Variants in MARCHF1 observed in about 807,000 individuals in gnomAD.
MARCHF1 encodes membrane associated ring-CH-type finger 1.
Under a neutral mutation model 54.2 loss-of-function variants are expected in MARCHF1, and 40 were observed. The observed-to-expected ratio is 0.74, with a 90% CI of 0.57 to 0.96. MARCHF1 has a LOEUF of 0.96. Among genes scored for constraint, MARCHF1 ranks in the 40% least tolerant of loss-of-function variants. MARCHF1 has a pLI of 0.00. For synonymous variants in MARCHF1, 236 were observed against 236.3 expected, an observed-to-expected ratio of 1.00 and a Z score of 0.01; for missense variants, 586 against 656.5, an observed-to-expected ratio of 0.89 and a Z score of 1.17.
At chr4:163,758,521 A>C (rs1746742341) in intron 4 of MARCHF1, among the ~76,000 whole-genome samples, 1 of 152,212 alleles carries the variant, frequency 6.6e-6, no homozygotes, top group African/African-American at 2.4e-5. Context: ...CTGATAAATA[A>C]ACTGAGATCC....
At chr4:164,197,537 C>A in intron 1 of MARCHF1, 19 of 1,613,430 alleles carry the variant, frequency 1.2e-5, no homozygotes, top group Non-Finnish European at 1.5e-5. Context: ...TTTGGTAAGT[C>A]TGAGATTGAG....
At chr4:164,273,779 A>C (rs1432195214) in intron 1 of MARCHF1, among the ~76,000 whole-genome samples, 1 of 152,190 alleles carries the variant, frequency 6.6e-6, no homozygotes, top group Non-Finnish European at 1.5e-5. Context: ...AATTTAATGA[A>C]ACTCCATTGG....
chr4:164,301,758 T>C (rs1467412264), intron 1 of MARCHF1, among the ~76,000 whole-genome samples: 3 of 151,938 alleles, frequency 2.0e-5, no homozygotes, highest in Admixed American at 2.0e-4. Flanking sequence ...ATACAGCAAA[T>C]GGAATAAGAG....
chr4:164,125,479 C>G (rs13135028), intron 1 of MARCHF1, among the ~76,000 whole-genome samples: 33,481 of 152,026 alleles, frequency 0.22, 4,009 homozygotes, highest in Non-Finnish European at 0.26. Flanking sequence ...AATAGGAAAT[C>G]CAAAATGTAC....
intron 3 of MARCHF1, among the ~76,000 whole-genome samples, chr4:163,866,204 C>A (rs1209955301): frequency 1.3e-5 from 2 of 151,152 alleles, no homozygotes; most frequent in African/African-American, 4.8e-5. Context: ...CATTGGTATT[C>A]AACTTTTTTA....
At chr4:164,066,584 A>G (rs904265986) in intron 2 of MARCHF1, among the ~76,000 whole-genome samples, 12 of 152,222 alleles carry the variant, frequency 7.9e-5, no homozygotes, top group Non-Finnish European at 1.5e-4. Flanking sequence ...TCATTGAAGC[A>G]CTATTCACAA....
At chr4:163,691,818 G>A (rs1257405422) in intron 5 of MARCHF1, among the ~76,000 whole-genome samples, 1 of 152,110 alleles carries the variant, frequency 6.6e-6, no homozygotes, top group African/African-American at 2.4e-5. Context: ...GTTTACTACA[G>A]GCCAGTGCCC....
intron 1 of MARCHF1, among the ~76,000 whole-genome samples, chr4:164,143,732 A>T (rs1308155217): frequency 2.0e-5 from 3 of 152,214 alleles, no homozygotes; most frequent in African/African-American, 7.2e-5. Flanking sequence ...CAAAATGTAA[A>T]GACCATAGAG....
intron 5 of MARCHF1, among the ~76,000 whole-genome samples, chr4:163,663,771 T>A (rs1743432535): frequency 1.3e-5 from 2 of 152,106 alleles, no homozygotes; most frequent in African/African-American, 4.8e-5. Flanking sequence ...AAGCTCATGC[T>A]AATATCTATG....
intron 1 of MARCHF1, among the ~76,000 whole-genome samples, chr4:164,282,332 C>T (rs1012600154): frequency 6.6e-6 from 1 of 150,888 alleles, no homozygotes; most frequent in Non-Finnish European, 1.5e-5. Flanking sequence ...TGACTTTGCT[C>T]AAAACTTTCA....
intron 9 of MARCHF1, among the ~76,000 whole-genome samples, chr4:163,537,925 G>C (rs1349593191): frequency 2.0e-5 from 3 of 152,112 alleles, no homozygotes; most frequent in Admixed American, 1.3e-4. Flanking sequence ...GTACTTGCAG[G>C]CTGCAGCATC....
In MARCHF1 at chr4:164,259,561, AAAAAGAAAAAAG is replaced by A. The variant is rs1733400856; in HGVS notation, c.-323+124297_-323+124308del. Reference sequence around the variant, plus strand: ...CCGTGTCTCAAAAAAAAAAAAAAAAAAAAAGAAAAAAGAAAAAGAAAAAAGAAAAAAAAAAGA... The same window carrying A: ...CCGTGTCTCAAAAAAAAAAAAAAAAAAAAAAGAAAAAAGAAAAAAAAAAGA... On this transcript the variant is annotated intron_variant, in intron 1 of 9. Coordinates refer to ENST00000514618, the MANE Select transcript of MARCHF1 (RefSeq NM_001394959.1). Among the ~76,000 whole-genome samples the A allele has an allele frequency of 5.3e-4, 61 of 115,778 alleles. No homozygotes were observed. In the South Asian group the frequency reaches 0.013, roughly 25 times the overall value. 76.0% of individuals were successfully genotyped at this position (115,778 alleles called of 152,430 possible). A position where few individuals can be genotyped will look rare whatever the true frequency, so the allele number is the denominator to read the frequency against.
intron 3 of MARCHF1, among the ~76,000 whole-genome samples, chr4:163,877,261 G>C (rs1750309407): frequency 2.0e-5 from 3 of 152,128 alleles, no homozygotes; most frequent in Admixed American, 1.3e-4. Flanking sequence ...AGAGGTATCA[G>C]TGATTTAATC....
At position 163,556,110 on chromosome 4, in the gene MARCHF1, G is replaced by A. The variant is rs529482510; in HGVS notation, c.1192-10367C>T. On this transcript the variant is annotated intron_variant, in intron 8 of 9. Coordinates refer to ENST00000514618, the MANE Select transcript of MARCHF1 (RefSeq NM_001394959.1). ...AGATGACATTATTAGATTTTTTTTC[G>A]TTCAGGAGCTAATTATTAAAGCATC... 9.2e-4 allele frequency: 331 copies of A among 361,532 alleles called. 4 individuals are homozygous for A. The highest frequency in any genetic ancestry group is 5.7e-3 in the South Asian group (278 of 48,858). 22.4% of individuals were successfully genotyped at this position (361,532 alleles called of 1,614,324 possible).
chr4:163,746,429 TC>T (rs1746363345), intron 4 of MARCHF1, among the ~76,000 whole-genome samples: 1 of 152,216 alleles, frequency 6.6e-6, no homozygotes, highest in South Asian at 2.1e-4. Flanking sequence ...TTTGGTGGCT[TC>T]TAAGTTTTGA....
intron 1 of MARCHF1, among the ~76,000 whole-genome samples, chr4:164,299,517 G>T (rs1028301021): frequency 1.3e-5 from 2 of 152,062 alleles, no homozygotes; most frequent in Non-Finnish European, 2.9e-5. Flanking sequence ...AGTACATAAG[G>T]CATAATTTTT....
At chr4:163,859,612 C>T (rs537572847) in intron 3 of MARCHF1, among the ~76,000 whole-genome samples, 14 of 152,198 alleles carry the variant, frequency 9.2e-5, no homozygotes, top group Admixed American at 3.3e-4. Flanking sequence ...CCACCTGCTT[C>T]GGCCTCCCAA....
intron 5 of MARCHF1, among the ~76,000 whole-genome samples, chr4:163,637,191 G>T (rs1463418692): frequency 6.6e-6 from 1 of 152,004 alleles, no homozygotes; most frequent in East Asian, 1.9e-4. Context: ...CATGGGCAAG[G>T]ACTTCTTGTC....
chr4:164,351,639 G>C (rs11723870), intron 1 of MARCHF1, among the ~76,000 whole-genome samples: 4 of 151,784 alleles, frequency 2.6e-5, no homozygotes, highest in Middle Eastern at 3.4e-3. Flanking sequence ...ACCAAAAGTA[G>C]ATAAAACCAC....
Sources: allele counts gnomAD v4.1 joint callset (sites outside exome capture counted in the v4.1 genomes callset), GRCh38; gene constraint gnomAD v4.1.1; transcripts MANE v1.5; gene names NCBI Gene and HGNC (gene_info 2026-07-23, HGNC 2026-07-21).